PDGFRL: variants seen among roughly 807,000 people sequenced by gnomAD.
The protein encoded by PDGFRL is platelet derived growth factor receptor like.
In PDGFRL, 46 loss-of-function variants were observed where a neutral mutation model predicts 37.2. The ratio of observed to expected loss-of-function variants is 1.24; its 90% CI spans 0.98 to 1.58. PDGFRL has a LOEUF of 1.58. Among genes scored for constraint, PDGFRL ranks in the 40% most tolerant of loss-of-function variants. PDGFRL has a pLI of 0.00. For synonymous variants in PDGFRL, 251 were observed against 184.3 expected (o/e 1.36, Z -2.93); for missense variants, 692 against 467.6 (o/e 1.48, Z -4.43).
At chr8:17,583,971 A>G (rs1291160722) in intron 1 of PDGFRL, among the ~76,000 whole-genome samples, 1 of 152,182 alleles carries the variant, frequency 6.6e-6, no homozygotes, top group East Asian at 1.9e-4. Flanking sequence ...AGCCTCAGCT[A>G]TCCCTTTATA....
intron 2 of PDGFRL, among the ~76,000 whole-genome samples, chr8:17,601,705 T>C (rs1804169931): frequency 6.6e-6 from 1 of 152,116 alleles, no homozygotes; most frequent in Non-Finnish European, 1.5e-5. Context: ...CCTTTAAAAG[T>C]GAGAGCATGT....
intron 2 of PDGFRL, among the ~76,000 whole-genome samples, chr8:17,608,580 A>G (rs1347707556): frequency 2.6e-5 from 4 of 152,190 alleles, no homozygotes; most frequent in Admixed American, 6.5e-5. Context: ...CCTTCAGTTC[A>G]GTGTTGGTCT....
intron 1 of PDGFRL, among the ~76,000 whole-genome samples, chr8:17,583,150 C>T (rs1345727571): frequency 6.6e-6 from 1 of 152,160 alleles, no homozygotes; most frequent in African/African-American, 2.4e-5. Context: ...ACCTAGATTT[C>T]AGAGGATGTA....
At chr8:17,579,319 G>GCT (rs1398914150) in intron 1 of PDGFRL, among the ~76,000 whole-genome samples, 2 of 152,070 alleles carry the variant, frequency 1.3e-5, no homozygotes. Flanking sequence ...TATTAAGAAT[G>GCT]GTTTTTGGTT....
chr8:17,591,372 G>A (rs1340092290), intron 2 of PDGFRL, among the ~76,000 whole-genome samples: 2 of 152,204 alleles, frequency 1.3e-5, no homozygotes, highest in African/African-American at 4.8e-5. Flanking sequence ...GCTTCCTGGG[G>A]TGCTGGGAGG....
At chr8:17,611,724 G>A (rs959222394) in intron 2 of PDGFRL, among the ~76,000 whole-genome samples, 1 of 152,188 alleles carries the variant, frequency 6.6e-6, no homozygotes, top group Non-Finnish European at 1.5e-5. Context: ...TGCAATGGGA[G>A]AAGCTAATAT....
chr8:17,612,181 A>G (rs1028177033), intron 2 of PDGFRL, among the ~76,000 whole-genome samples: 1 of 152,220 alleles, frequency 6.6e-6, no homozygotes, highest in African/African-American at 2.4e-5. Flanking sequence ...CCTGTTGGAA[A>G]TTCACATTTT....
At chr8:17,627,059 C>T (rs1056647488) in intron 3 of PDGFRL, among the ~76,000 whole-genome samples, 3 of 152,186 alleles carry the variant, frequency 2.0e-5, no homozygotes, top group African/African-American at 7.2e-5. Flanking sequence ...TGTGTGAGGA[C>T]AGGCTGAGGA....
intron 2 of PDGFRL, among the ~76,000 whole-genome samples, chr8:17,596,132 G>A (rs1804047527): frequency 1.3e-5 from 2 of 152,190 alleles, no homozygotes; most frequent in Admixed American, 1.3e-4. Flanking sequence ...ACCCTTGCTG[G>A]GGGACCTGGG....
At chr8:17,614,550 T>G (rs1213047165) in intron 2 of PDGFRL, among the ~76,000 whole-genome samples, 1 of 152,164 alleles carries the variant, frequency 6.6e-6, no homozygotes, top group Non-Finnish European at 1.5e-5. Flanking sequence ...TTCACATGAA[T>G]GTAGAATAAG....
chr8:17,586,456 A>T (rs145111943), intron 1 of PDGFRL, among the ~76,000 whole-genome samples: 254 of 152,340 alleles, frequency 1.7e-3, no homozygotes, highest in African/African-American at 5.9e-3. Context: ...ACAATATGCT[A>T]ATCTCTAAGT....
intron 2 of PDGFRL, among the ~76,000 whole-genome samples, chr8:17,604,837 G>C (rs1400079236): frequency 6.6e-6 from 1 of 152,116 alleles, no homozygotes; most frequent in Non-Finnish European, 1.5e-5. Context: ...TGCATGGCTG[G>C]GCATGGTGGC....
chr8:17,626,283 G>A (rs1010562985), intron 3 of PDGFRL, among the ~76,000 whole-genome samples: 3 of 152,180 alleles, frequency 2.0e-5, no homozygotes, highest in Non-Finnish European at 2.9e-5. Context: ...ATGAACATTA[G>A]GCATGACGTT....
chr8:17,606,730 G>C (rs1804285735), intron 2 of PDGFRL, among the ~76,000 whole-genome samples: 1 of 151,938 alleles, frequency 6.6e-6, no homozygotes, highest in Non-Finnish European at 1.5e-5. Context: ...ATAATAGAAC[G>C]AGGCTCATTG....
intron 1 of PDGFRL, among the ~76,000 whole-genome samples, chr8:17,583,110 G>A (rs1396277837): frequency 6.6e-6 from 1 of 152,198 alleles, no homozygotes; most frequent in Non-Finnish European, 1.5e-5. Context: ...CATATTCCCA[G>A]AATGCAAGAG....
chr8:17,599,875 A>C (rs1021412540), intron 2 of PDGFRL, among the ~76,000 whole-genome samples: 2 of 152,172 alleles, frequency 1.3e-5, no homozygotes, highest in Non-Finnish European at 1.5e-5. Flanking sequence ...CCAAAGCACT[A>C]TCCGTGCCCT....
At chr8:17,634,308 A>G (rs1320519260) in intron 5 of PDGFRL, 95 bp downstream of exon 5, 1 of 949,748 alleles carries the variant, frequency 1.1e-6, no homozygotes, top group Non-Finnish European at 1.6e-6. Context: ...CCAGTGCTAT[A>G]TGCCATAACT....
chr8:17,603,152 T>C (rs1348459114), intron 2 of PDGFRL, among the ~76,000 whole-genome samples: 1 of 152,042 alleles, frequency 6.6e-6, no homozygotes, highest in Non-Finnish European at 1.5e-5. Flanking sequence ...TTGGCTAATT[T>C]TTTGTGTTTT....
chr8:17,628,572 G>C lies in PDGFRL; in HGVS notation c.591G>C (p.Arg197=), dbSNP rs769530607. 2 of 1,613,974 alleles carry C rather than the reference G, an allele frequency of 1.2e-6. No homozygotes were observed. The highest frequency in any genetic ancestry group is 1.7e-6 in the Non-Finnish European group (2 of 1,179,988). ...ACAGACAGGCTGTGGTTCCTTGTCG[G>C]GTGACCGTGCTGTCGGCCAAAGTCA... The part of the protein sequence containing the change: ...NPDRQAVVPC[R]VTVLSAKVTL... The change falls in exon 4 of 6, where the codon CGG becomes CGC. Residue 197 remains arginine (R), a synonymous_variant. Coordinates refer to ENST00000251630, the MANE Select transcript of PDGFRL (RefSeq NM_001372073.1).
Sources: gnomAD v4.1 joint callset for allele counts (sites outside exome capture counted in the v4.1 genomes callset) on GRCh38, gnomAD v4.1.1 for gene constraint, MANE v1.5 for transcripts, NCBI Gene and HGNC (gene_info 2026-07-23, HGNC 2026-07-21) for gene names.